ZP2: variants seen among roughly 807,000 people sequenced by gnomAD.
ZP2 encodes zona pellucida glycoprotein 2.
Under a neutral mutation model 84.0 loss-of-function variants are expected in ZP2, and 51 were observed. That is an observed-to-expected ratio of 0.61 (90% CI 0.49 to 0.77). The LOEUF (loss-of-function observed/expected upper bound fraction) is 0.77. Among genes scored for constraint, ZP2 ranks in the 30% least tolerant of loss-of-function variants. The pLI, the probability that ZP2 is intolerant of heterozygous loss-of-function variation, is 0.00. For missense variants in ZP2, 909 were observed against 911.9 expected (o/e 1.00, Z 0.04); for synonymous variants, 375 against 330.9 (o/e 1.13, Z -1.45).
At chr16:21,203,363 C>A in intron 9 of ZP2, 112 bp from the exon 10 acceptor site, 1 of 1,434,882 alleles carries the variant, frequency 7.0e-7, no homozygotes, top group South Asian at 1.3e-5. Context: ...CCAGACTTAT[C>A]TGGGCTCCCT....
chr16:21,208,913 A>C (rs987723616), intron 4 of ZP2, among the ~76,000 whole-genome samples: 2 of 152,148 alleles, frequency 1.3e-5, no homozygotes, highest in Non-Finnish European at 2.9e-5. Context: ...GAAAGGGCTC[A>C]CTTGGTGGAA....
intron 2 of ZP2, among the ~76,000 whole-genome samples, 198 bp downstream of exon 2, chr16:21,211,109 T>G (rs1329316477): frequency 6.6e-6 from 1 of 152,120 alleles, no homozygotes; most frequent in African/African-American, 2.4e-5. Context: ...TGGAAGGCAG[T>G]GCAAGTGTTT....
rs773372246 is a variant in ZP2, at chr16:21,199,763, C to T, written c.1810G>A (p.Ala604Thr). The T allele has an allele frequency of 6.2e-7, 1 of 1,614,096 alleles. No homozygotes were observed. Among genetic ancestry groups the T allele is most frequent in the South Asian group, 1.1e-5 (1 of 91,068 alleles). Residue 604 changes from alanine (A) to threonine (T), a missense_variant, in exon 15 of 19, where the codon GCC becomes ACC. Physicochemically the swap from Ala to Thr is moderately conservative, Grantham distance 58. Coordinates refer to ENST00000574091, the MANE Select transcript of ZP2 (RefSeq NM_001376232.1). ...CTTACCAGGCTAGAGAGCACGTGGG[C>T]TTCTGATACAAAGGCAAAAGCCTTC... ...DMKAFAFVSE[A>T]HVLSSLVYFH...
chr16:21,209,749 A>ACAGAG (rs1266866962), intron 3 of ZP2, 24 bp from the exon 4 acceptor site: 1 of 1,607,386 alleles, frequency 6.2e-7, no homozygotes, highest in Non-Finnish European at 8.5e-7. Context: ...AGCAGGTTAG[A>ACAGAG]CAGGATGGCT....
chr16:21,203,025 T>TA, intron 10 of ZP2, 100 bp downstream of exon 10: 7 of 1,416,682 alleles, frequency 4.9e-6, no homozygotes, highest in Admixed American at 2.1e-5. Flanking sequence ...CTTCAGTCTA[T>TA]AAGCAATAGA....
chr16:21,198,826 C>T lies in ZP2; in HGVS notation c.1964G>A (p.Ser655Asn). Residue 655 changes from serine to asparagine, a missense_variant, in exon 17 of 19, where the codon AGC (serine) becomes AAC (asparagine). By Grantham distance (46) the Ser-to-Asn change is conservative. Transcript: ENST00000574091. The part of the protein sequence containing the change: ...GATEAEKMTV[S>N]LPGPILLLSD... ...CAACAGGAGAATGGGTCCTGGGAGG[C>T]TGACTGTCATTTTCTCTGCTTCAGT... 6.2e-7 allele frequency: 1 copy of T among 1,614,082 alleles called. No individual in the cohort carries two copies. The highest frequency in any genetic ancestry group is 8.5e-7 in the Non-Finnish European group (1 of 1,180,000).
chr16:21,199,959 C>T lies in ZP2; in HGVS notation c.1695-81G>A, dbSNP rs372811689. On this transcript the variant is annotated intron_variant, in intron 14 of 18. Transcript: ENST00000574091. ...CAATGTCTGCCCAGATTTAGTCATA[C>T]GTAATATCTTCAGAACTATTGCCAT... is the stretch of plus-strand genomic sequence containing the variant. 2.0e-4 allele frequency: 304 copies of T among 1,555,762 alleles called. 3 individuals carry two copies. In the East Asian group the frequency reaches 4.0e-3, roughly 21 times the overall value.
Position 21,199,938 on chromosome 16 carries a change from G to A in ZP2, c.1695-60C>T, listed in dbSNP as rs999792952. 4.4e-6 allele frequency: 7 copies of A among 1,600,434 alleles called. No individual in the cohort carries two copies. In the Admixed American group the frequency reaches 6.7e-5, roughly 15 times the overall value. ...TATGCATCTTGGAGTCAAATTCAAT[G>A]TCTGCCCAGATTTAGTCATACGTAA... is the stretch of plus-strand genomic sequence containing the variant. On this transcript the variant is annotated intron_variant, in intron 14 of 18. Transcript: ENST00000574091.
At chr16:21,208,698 T>C (rs1354569356) in intron 4 of ZP2, among the ~76,000 whole-genome samples, 1 of 152,230 alleles carries the variant, frequency 6.6e-6, no homozygotes, top group Admixed American at 6.5e-5. Context: ...TTTTAACACC[T>C]GTTTCTATAG....
chr16:21,207,843 G>A (rs1467550850), intron 4 of ZP2, among the ~76,000 whole-genome samples: 2 of 152,014 alleles, frequency 1.3e-5, no homozygotes, highest in Non-Finnish European at 2.9e-5. Flanking sequence ...ACAACAGCAA[G>A]ACCCTGTCTC....
At chr16:21,213,148 G>A (rs890936741), upstream of ZP2, among the ~76,000 whole-genome samples, 3 of 152,260 alleles carry the variant, frequency 2.0e-5, no homozygotes, top group East Asian at 1.9e-4. Flanking sequence ...GGATTCAAGC[G>A]ATTCTCCTGC....
chr16:21,199,935 A>C, intron 14 of ZP2, 57 bp from the exon 15 acceptor site: 2 of 1,603,474 alleles, frequency 1.2e-6, no homozygotes, highest in South Asian at 2.2e-5. Context: ...AGTCAAATTC[A>C]ATGTCTGCCC....
upstream of ZP2, chr16:21,214,172 G>C: frequency 1.1e-6 from 1 of 914,228 alleles, no homozygotes; most frequent in Non-Finnish European, 1.3e-6. Flanking sequence ...GAGAAAGCCC[G>C]CTGTGGGCTG....
intron 4 of ZP2, 107 bp from the exon 5 acceptor site, chr16:21,207,097 C>T: frequency 1.5e-6 from 2 of 1,333,652 alleles, no homozygotes; most frequent in Non-Finnish European, 2.1e-6. Context: ...GTTACTAATA[C>T]CACAAGTGCT....
rs1402563660 is a variant in ZP2 at position 21,205,416 on chromosome 16, C to T, written c.693+4G>A. 6.2e-7 allele frequency: 1 copy of T among 1,613,518 alleles called. No homozygotes were observed. The highest frequency in any genetic ancestry group is 1.7e-5 in the Admixed American group (1 of 59,982). On this transcript the variant is annotated splice_donor_region_variant and intron_variant, in intron 7 of 18. Transcript: ENST00000574091. ...GTGGTACAAAGCCAGACTTCCACACCTACCACATAGTGAGTCACTCCAGTG... is the reference window on the plus strand; with the variant it reads ...GTGGTACAAAGCCAGACTTCCACACTTACCACATAGTGAGTCACTCCAGTG...
At chr16:21,200,635 T>C (rs928154568) in intron 14 of ZP2, among the ~76,000 whole-genome samples, 1 of 152,220 alleles carries the variant, frequency 6.6e-6, no homozygotes, top group Admixed American at 6.5e-5. Context: ...AGTGCTCAGA[T>C]TCTAGAGTCA....
chr16:21,210,324 G>C lies in ZP2; in HGVS notation c.152-132C>G, dbSNP rs1343269910. On this transcript the variant is annotated intron_variant, in intron 2 of 18. Transcript: ENST00000574091. ...AAGAATCGTCCCCTACCCTGGGAGA[G>C]CTCACAAACAAGTGACCAAGACAAC... The C allele has an allele frequency of 4.4e-6, 3 of 688,528 alleles. No homozygotes were observed. In the African/African-American group the frequency reaches 5.4e-5, roughly 12 times the overall value. 42.7% of individuals were successfully genotyped at this position (688,528 alleles called of 1,614,324 possible). A position where few individuals can be genotyped will look rare whatever the true frequency, so the allele number is the denominator to read the frequency against.
upstream of ZP2, among the ~76,000 whole-genome samples, chr16:21,211,996 C>T (rs967661231): frequency 5.3e-5 from 8 of 150,892 alleles, no homozygotes; most frequent in East Asian, 3.9e-4. Flanking sequence ...GGTGCAATCT[C>T]GGCTCACTGC....
chr16:21,197,834 T>C lies in ZP2; in HGVS notation c.2027A>G (p.Asp676Gly), dbSNP rs199787774. 1.8e-5 allele frequency: 29 copies of C among 1,614,164 alleles called. No homozygotes were observed. The East Asian group carries it at 4.9e-4, about 27-fold the overall frequency. The change falls in exon 18 of 19, where the codon GAT becomes GGT. Residue 676 changes from aspartate to glycine, a missense_variant. Physicochemically the swap from Asp to Gly is moderately conservative, Grantham distance 94. Coordinates refer to ENST00000574091, the MANE Select transcript of ZP2 (RefSeq NM_001376232.1). ...DSSFRGVGSSDLKASGSSGEK... is the reference protein window; with the variant it reads ...DSSFRGVGSSGLKASGSSGEK... ...CCCACTGCTCCCACTTGCTTTTAGA[T>C]CAGATGAGCCGACACCTGGGAAGAA...
Sources: gnomAD v4.1 joint callset for allele counts (sites outside exome capture counted in the v4.1 genomes callset) on GRCh38, gnomAD v4.1.1 for gene constraint, MANE v1.5 for transcripts, NCBI Gene and HGNC (gene_info 2026-07-23, HGNC 2026-07-21) for gene names.